The following HIP1 variants were observed in gnomAD, a reference collection of about 807,000 sequenced individuals.
HIP1 encodes huntingtin interacting protein 1.
A neutral mutation model predicts 147.6 loss-of-function variants in HIP1; 65 were observed. That is an observed-to-expected ratio of 0.44 (90% CI 0.36 to 0.54). The LOEUF (loss-of-function observed/expected upper bound fraction) is 0.54, where lower values mean the gene tolerates loss of function less well. Among genes scored for constraint, HIP1 ranks in the 20% least tolerant of loss-of-function variants. The probability of loss-of-function intolerance (pLI) is 0.00; values close to 1 mark genes in which losing one functional copy is unlikely to be tolerated. For missense variants in HIP1, 1,061 were observed against 1,299.6 expected (o/e 0.82, Z 2.82); for synonymous variants, 479 against 504.0 (o/e 0.95, Z 0.67).
rs587689382 is a variant in HIP1 at position 75,584,262 on chromosome 7, C to G, written c.466-2111G>C. Among the ~76,000 whole-genome samples the G allele has an allele frequency of 2.5e-3, 381 of 151,282 alleles. 2 individuals carry two copies. The highest frequency in any genetic ancestry group is 8.4e-3 in the African/African-American group (344 of 41,174). On this transcript the variant is annotated intron_variant, in intron 5 of 30. Transcript: ENST00000336926. ...TACAAGCGTGAGCCACCGCGCCTGG[C>G]CAAAAAAAATTTTTTTTAAGAGACA...
At chr7:75,632,567 T>C (rs1212128036) in intron 1 of HIP1, among the ~76,000 whole-genome samples, 3 of 150,338 alleles carry the variant, frequency 2.0e-5, no homozygotes, top group East Asian at 1.9e-4. Flanking sequence ...TTTTCTTTTT[T>C]TTTTTTTTTT....
intron 28 of HIP1, 107 bp downstream of exon 28, chr7:75,542,744 G>T: frequency 9.5e-7 from 1 of 1,056,684 alleles, no homozygotes. Context: ...TGAAAAATAT[G>T]AAAGAATTTA....
intron 1 of HIP1, among the ~76,000 whole-genome samples, chr7:75,716,469 G>A (rs892165631): frequency 1.9e-4 from 28 of 149,146 alleles, no homozygotes; most frequent in South Asian, 8.4e-4. Flanking sequence ...ACAATCCGCC[G>A]CCTCAGCCTC....
At chr7:75,650,100 T>A (rs1390962331) in intron 1 of HIP1, among the ~76,000 whole-genome samples, 2 of 152,004 alleles carry the variant, frequency 1.3e-5, no homozygotes, top group African/African-American at 4.8e-5. Context: ...GGTCTTAGGA[T>A]CTCATGATTA....
chr7:75,618,449 C>A (rs998871742), intron 1 of HIP1, among the ~76,000 whole-genome samples: 7 of 152,154 alleles, frequency 4.6e-5, no homozygotes, highest in Non-Finnish European at 1.0e-4. Flanking sequence ...CCACACGTGG[C>A]TAATTTTTGT....
intron 1 of HIP1, among the ~76,000 whole-genome samples, chr7:75,675,147 A>T (rs1563286302): frequency 6.6e-6 from 1 of 151,876 alleles, no homozygotes; most frequent in African/African-American, 2.4e-5. Context: ...GAATAATCTC[A>T]ATTGGCCTAT....
chr7:75,616,248 A>G (rs1328183209), intron 1 of HIP1, among the ~76,000 whole-genome samples: 1 of 151,970 alleles, frequency 6.6e-6, no homozygotes, highest in African/African-American at 2.4e-5. Context: ...CTGCTTGTGC[A>G]TGGCCTGTGA....
At chr7:75,552,472 C>T (rs1794820882) in intron 22 of HIP1, among the ~76,000 whole-genome samples, 1 of 152,072 alleles carries the variant, frequency 6.6e-6, no homozygotes, top group African/African-American at 2.4e-5. Context: ...GCCTCAGCCT[C>T]CCGAGTAGCT....
At chr7:75,592,271 G>C (rs766817671) in intron 3 of HIP1, 101 bp downstream of exon 3, 214 of 1,461,878 alleles carry the variant, frequency 1.5e-4, no homozygotes, top group Non-Finnish European at 1.5e-4. Flanking sequence ...GCCAGGAGAA[G>C]GGGGCAGTGT....
intron 4 of HIP1, among the ~76,000 whole-genome samples, chr7:75,587,301 C>G (rs1163973704): frequency 6.6e-6 from 1 of 152,080 alleles, no homozygotes; most frequent in Non-Finnish European, 1.5e-5. Flanking sequence ...AGACTAGTCT[C>G]GAACTTCTGA....
chr7:75,637,993 CACACACACACATACACACACACA>C (rs1798497311), intron 1 of HIP1, among the ~76,000 whole-genome samples: 4 of 40,066 alleles, frequency 1.0e-4, no homozygotes, highest in South Asian at 8.7e-4. Flanking sequence ...CCCCCCCCCC[CACACACACACATACACACACACA>C]CACACACACA....
intron 2 of HIP1, among the ~76,000 whole-genome samples, chr7:75,597,172 CCA>C (rs1443424682): frequency 1.3e-5 from 2 of 152,190 alleles, no homozygotes; most frequent in Non-Finnish European, 2.9e-5. Flanking sequence ...CTGGGTTACC[CCA>C]GAGAGGTTCT....
rs186792396 is a variant in HIP1, at chr7:75,696,437, C to T, written c.120+42364G>A. On this transcript the variant is annotated intron_variant, in intron 1 of 30. Transcript: ENST00000336926. ...AATCTTGGGAAGGTGTGTAGCCATTCTGCTACTTTAGCTAAAGCCCTTTCT... is the reference window on the plus strand; with the variant it reads ...AATCTTGGGAAGGTGTGTAGCCATTTTGCTACTTTAGCTAAAGCCCTTTCT... 1.8e-3 allele frequency among the ~76,000 whole-genome samples: 273 copies of T among 152,118 alleles called. 2 individuals are homozygous for T. The highest frequency in any genetic ancestry group is 6.2e-3 in the African/African-American group (259 of 41,522).
chr7:75,678,159 G>C (rs1799956485), intron 1 of HIP1, among the ~76,000 whole-genome samples: 1 of 151,938 alleles, frequency 6.6e-6, no homozygotes. Context: ...CCAGTACCTG[G>C]ATCTGCTAAT....
At chr7:75,645,733 T>C (rs189922823) in intron 1 of HIP1, among the ~76,000 whole-genome samples, 56 of 152,288 alleles carry the variant, frequency 3.7e-4, no homozygotes, top group Middle Eastern at 6.8e-3. Context: ...AGGTGGTACA[T>C]ATCCAACAAG....
At chr7:75,691,564 T>G (rs1328324109) in intron 1 of HIP1, among the ~76,000 whole-genome samples, 1 of 151,762 alleles carries the variant, frequency 6.6e-6, no homozygotes, top group Non-Finnish European at 1.5e-5. Context: ...TTTGGGAGGC[T>G]GAGGCGGGTG....
intron 1 of HIP1, among the ~76,000 whole-genome samples, chr7:75,722,022 C>A (rs1052369851): frequency 6.6e-6 from 1 of 152,132 alleles, no homozygotes; most frequent in Non-Finnish European, 1.5e-5. Flanking sequence ...AATAACTGCA[C>A]GCTAGGCGTG....
intron 1 of HIP1, among the ~76,000 whole-genome samples, chr7:75,637,216 A>T (rs1223598205): frequency 2.0e-5 from 3 of 152,132 alleles, no homozygotes; most frequent in Admixed American, 1.3e-4. Context: ...TGTGTTCTTT[A>T]CCCAGCACTT....
In HIP1 at chr7:75,738,810, C is replaced by T. The variant is rs781900947; in HGVS notation, c.111G>A (p.Glu37=). 3.7e-6 allele frequency: 6 copies of T among 1,601,322 alleles called. No homozygotes were observed. In the South Asian group the frequency reaches 6.7e-5, roughly 18 times the overall value. The change falls in exon 1 of 31, where the codon GAG becomes GAA. Residue 37 remains glutamate (E), a synonymous_variant. Coordinates refer to ENST00000336926, the MANE Select transcript of HIP1 (RefSeq NM_005338.7). ...GGTCCCCCGTCCTCACCTGAGTCCG[C>T]TCGAAGCTCTCGCGCTCCGCCGCCT... ...GLEAAERESF[E]RTQTVSINKA... is the part of the protein sequence containing the mutation.
Sources: allele counts gnomAD v4.1 joint callset (sites outside exome capture counted in the v4.1 genomes callset), GRCh38; gene constraint gnomAD v4.1.1; transcripts MANE v1.5; gene names NCBI Gene and HGNC (gene_info 2026-07-23, HGNC 2026-07-21).